The following DLC1 variants were observed in gnomAD, a reference collection of about 807,000 sequenced individuals.
The protein encoded by DLC1 is DLC1 Rho GTPase activating protein, also known as rho GTPase-activating protein 7.
Under a neutral mutation model 140.3 loss-of-function variants are expected in DLC1, and 54 were observed. The ratio of observed to expected loss-of-function variants is 0.38; its 90% CI spans 0.31 to 0.48. The LOEUF (loss-of-function observed/expected upper bound fraction) is 0.48, where lower values mean the gene tolerates loss of function less well. Ranked by LOEUF, DLC1 falls within the 20% of genes least tolerant of loss-of-function variation. The pLI is 0.96. For synonymous variants in DLC1, 986 were observed against 728.1 expected (o/e 1.35, Z -5.70); for missense variants, 2,536 against 1,907.0 (o/e 1.33, Z -6.14).
chr8:13,404,431 C>A (rs750937729), intron 2 of DLC1, among the ~76,000 whole-genome samples: 1 of 152,222 alleles, frequency 6.6e-6, no homozygotes, highest in African/African-American at 2.4e-5. Flanking sequence ...CCGAAACACA[C>A]TGGGGTAGGG....
At chr8:13,407,423 A>G (rs1310719198) in intron 2 of DLC1, among the ~76,000 whole-genome samples, 10 of 152,178 alleles carry the variant, frequency 6.6e-5, no homozygotes, top group Admixed American at 6.5e-4. Context: ...CACAGCACAC[A>G]CACAAGGCAG....
At chr8:13,374,265 A>T (rs1835861487) in intron 4 of DLC1, among the ~76,000 whole-genome samples, 1 of 151,872 alleles carries the variant, frequency 6.6e-6, no homozygotes, top group Non-Finnish European at 1.5e-5. Flanking sequence ...ATCTTCTGAC[A>T]AAGGAGGTCA....
chr8:13,499,035 T>A lies in DLC1; in HGVS notation c.1023+14A>T. On this transcript the variant is annotated intron_variant, in intron 2 of 17. Transcript: ENST00000276297. ...AAAATTTCAAAAGCCAGAGAATCTG[T>A]GCATATGTCTTACCTTTCTCTTACG... The A allele has an allele frequency of 6.3e-7, 1 of 1,590,504 alleles. No homozygotes were observed. The highest frequency in any genetic ancestry group is 1.1e-5 in the South Asian group (1 of 87,864).
chr8:13,235,653 C>CT (rs111911713), intron 5 of DLC1, among the ~76,000 whole-genome samples: 1,741 of 150,414 alleles, frequency 0.012, 12 homozygotes, highest in South Asian at 0.038. Flanking sequence ...AACTATAGAG[C>CT]TTTTTTTTTA....
chr8:13,197,241 G>A (rs1827117677), intron 5 of DLC1, among the ~76,000 whole-genome samples: 1 of 152,132 alleles, frequency 6.6e-6, no homozygotes, highest in Non-Finnish European at 1.5e-5. Context: ...CTCTTGGCTA[G>A]AATTATATCA....
intron 1 of DLC1, among the ~76,000 whole-genome samples, chr8:13,554,343 C>T (rs115868256): frequency 2.0e-5 from 3 of 152,046 alleles, no homozygotes; most frequent in East Asian, 1.9e-4. Flanking sequence ...TGGGATTACG[C>T]GCGTGAGCCA....
chr8:13,546,222 A>G (rs554892470), intron 1 of DLC1, among the ~76,000 whole-genome samples: 1 of 152,268 alleles, frequency 6.6e-6, no homozygotes, highest in South Asian at 2.1e-4. Context: ...ACCACTATAA[A>G]TTCTAAATAC....
intron 5 of DLC1, among the ~76,000 whole-genome samples, chr8:13,272,215 A>T (rs1830962304): frequency 6.6e-6 from 1 of 152,170 alleles, no homozygotes; most frequent in South Asian, 2.1e-4. Context: ...TGCGAGGCCA[A>T]AGTGGGTGGA....
chr8:13,417,769 C>A (rs1354193613), intron 2 of DLC1, among the ~76,000 whole-genome samples: 1 of 152,092 alleles, frequency 6.6e-6, no homozygotes, highest in Non-Finnish European at 1.5e-5. Context: ...AGTTCTAGAT[C>A]CCTGAGGAAT....
intron 1 of DLC1, among the ~76,000 whole-genome samples, chr8:13,540,958 T>C (rs546958021): frequency 7.9e-5 from 12 of 152,344 alleles, no homozygotes; most frequent in Non-Finnish European, 1.8e-4. Flanking sequence ...CAATTCTCTC[T>C]GAGAGACATG....
At chr8:13,577,016 T>C (rs1400403287) in intron 1 of DLC1, among the ~76,000 whole-genome samples, 1 of 152,176 alleles carries the variant, frequency 6.6e-6, no homozygotes. Context: ...TGATTGGACA[T>C]AATCTACTGA....
chr8:13,575,466 G>C (rs1235016671), intron 1 of DLC1, among the ~76,000 whole-genome samples: 1 of 151,964 alleles, frequency 6.6e-6, no homozygotes, highest in Non-Finnish European at 1.5e-5. Context: ...TCCCACATCT[G>C]GGCTGGGGCT....
intron 1 of DLC1, among the ~76,000 whole-genome samples, chr8:13,536,928 A>G (rs1803304334): frequency 6.6e-6 from 1 of 152,210 alleles, no homozygotes; most frequent in African/African-American, 2.4e-5. Context: ...TGGAAAACAT[A>G]TCACCATTGC....
At chr8:13,460,506 C>A (rs1253840563) in intron 2 of DLC1, among the ~76,000 whole-genome samples, 2 of 152,312 alleles carry the variant, frequency 1.3e-5, no homozygotes, top group Admixed American at 6.5e-5. Flanking sequence ...CCTGGAATAT[C>A]TCCTAGGGTA....
chr8:13,143,813 T>A (rs986475475), intron 5 of DLC1, among the ~76,000 whole-genome samples: 35 of 128,714 alleles, frequency 2.7e-4, no homozygotes, highest in Admixed American at 1.8e-3. Context: ...AATGAAAAGC[T>A]GAGAGAGAGA....
chr8:13,230,562 C>G (rs1047524648), intron 5 of DLC1, among the ~76,000 whole-genome samples: 1 of 151,768 alleles, frequency 6.6e-6, no homozygotes, highest in Non-Finnish European at 1.5e-5. Context: ...TGGCTTCAAT[C>G]CAGATAGATA....
Position 13,499,114 on chromosome 8 carries a change from G to A in DLC1, c.958C>T (p.Gln320Ter). 6.2e-7 allele frequency: 1 copy of A among 1,614,126 alleles called. No individual in the cohort carries two copies. Among genetic ancestry groups the A allele is most frequent in the Non-Finnish European group, 8.5e-7 (1 of 1,179,992 alleles). ...TGGGTGGCCAGGGTCTCCTTTAATT[G>A]TAAACACTGCATGCCATCTTCTGCC... ...VKAEDGMQCL[Q>*]LKETLATQEP... Residue 320 changes from glutamine to a stop codon, truncating the protein, a stop_gained, in exon 2 of 18, where the codon CAA (glutamine) becomes TAA (stop). Coordinates refer to ENST00000276297, the MANE Select transcript of DLC1 (RefSeq NM_182643.3). LOFTEE classifies it high-confidence loss of function.
At chr8:13,466,822 G>C (rs1799964117) in intron 2 of DLC1, among the ~76,000 whole-genome samples, 1 of 151,850 alleles carries the variant, frequency 6.6e-6, no homozygotes, top group South Asian at 2.1e-4. Context: ...AAACTTGCTG[G>C]AAATTAGAGA....
chr8:13,355,413 G>A lies in DLC1; in HGVS notation c.1314+38140C>T, dbSNP rs138159875. 9.2e-5 allele frequency among the ~76,000 whole-genome samples: 14 copies of A among 152,250 alleles called. No individual in the cohort carries two copies. In the East Asian group the frequency reaches 2.1e-3, roughly 23 times the overall value. ...GCCATGACAAAATAACAAGCACTACGTGACTAAAACAACAGAAATTTATTT... is the reference window on the plus strand; with the variant it reads ...GCCATGACAAAATAACAAGCACTACATGACTAAAACAACAGAAATTTATTT... On this transcript the variant is annotated intron_variant, in intron 4 of 17. Transcript: ENST00000276297.
Sources: gnomAD v4.1 joint callset for allele counts (sites outside exome capture counted in the v4.1 genomes callset) on GRCh38, gnomAD v4.1.1 for gene constraint, MANE v1.5 for transcripts, NCBI Gene and HGNC (gene_info 2026-07-23, HGNC 2026-07-21) for gene names.